CCDC88A: variants seen among roughly 807,000 people sequenced by gnomAD.
CCDC88A encodes the protein girdin.
A neutral mutation model predicts 234.3 loss-of-function variants in CCDC88A; 54 were observed. The observed-to-expected ratio is 0.23, with a 90% CI of 0.19 to 0.29. The LOEUF (loss-of-function observed/expected upper bound fraction) is 0.29, where lower values mean the gene tolerates loss of function less well. CCDC88A is among the 10% of genes least tolerant of loss of function. CCDC88A has a pLI of 1.00. For missense variants in CCDC88A, 1,832 were observed against 2,123.4 expected (o/e 0.86, Z 2.70); for synonymous variants, 753 against 737.8 (o/e 1.02, Z -0.33).
intron 18 of CCDC88A, 133 bp from the exon 19 acceptor site, chr2:55,319,137 A>G (rs1683309471): frequency 2.8e-6 from 2 of 708,276 alleles, no homozygotes; most frequent in Non-Finnish European, 4.1e-6. Flanking sequence ...ACAATCTTAA[A>G]AGAGAAAAAA....
chr2:55,302,555 G>A (rs1262105482), intron 26 of CCDC88A: 1 of 162,302 alleles, frequency 6.2e-6, no homozygotes, highest in Non-Finnish European at 1.4e-5. Flanking sequence ...TGAAAGAGAT[G>A]ATATCTAAAG....
intron 5 of CCDC88A, 55 bp downstream of exon 5, chr2:55,372,397 A>G (rs1672979689): frequency 4.6e-6 from 4 of 864,156 alleles, no homozygotes; most frequent in Non-Finnish European, 7.3e-6. Context: ...ACAGCCTGAT[A>G]AAAATATATA....
In CCDC88A at chr2:55,419,033, C is replaced by T; in HGVS notation, c.47G>A (p.Ser16Asn). 6.2e-7 allele frequency: 1 copy of T among 1,612,970 alleles called. No homozygotes were observed. The highest frequency in any genetic ancestry group is 8.5e-7 in the Non-Finnish European group (1 of 1,178,970). ...CCCACTTACCCAAGTGACCAAAGGG[C>T]TGGTCATGAACTGCTCCAGAAGGGG... Reference protein sequence around the residue: ...FTPLLEQFMTSPLVTWVKTFG... With the variant: ...FTPLLEQFMTNPLVTWVKTFG... The change falls in exon 1 of 33, where the codon AGC becomes AAC. Residue 16 changes from serine to asparagine, a missense_variant. Transcript: ENST00000436346.
intron 4 of CCDC88A, among the ~76,000 whole-genome samples, chr2:55,374,431 G>C (rs1673290284): frequency 6.6e-6 from 1 of 151,974 alleles, no homozygotes; most frequent in African/African-American, 2.4e-5. Context: ...AAACAATTTT[G>C]GCAATGGTAG....
At chr2:55,365,616 T>A (rs771605672) in intron 5 of CCDC88A, among the ~76,000 whole-genome samples, 6 of 152,126 alleles carry the variant, frequency 3.9e-5, no homozygotes, top group Non-Finnish European at 5.9e-5. Flanking sequence ...CACAAATCAA[T>A]GAAAATTTTC....
At chr2:55,294,864 A>C in intron 31 of CCDC88A, 1 of 1,055,424 alleles carries the variant, frequency 9.5e-7, no homozygotes, top group Non-Finnish European at 1.1e-6. Context: ...AAAGTAATTA[A>C]TATTTCATGC....
chr2:55,318,206 T>C (rs1203336513), intron 19 of CCDC88A, among the ~76,000 whole-genome samples: 1 of 152,150 alleles, frequency 6.6e-6, no homozygotes, highest in Non-Finnish European at 1.5e-5. Context: ...TAGAAGTTGA[T>C]AGAAGTGAAA....
At chr2:55,324,147 A>T (rs1683976976) in intron 17 of CCDC88A, 1 of 149,668 alleles carries the variant, frequency 6.7e-6, no homozygotes, top group South Asian at 2.1e-4. Flanking sequence ...AGAGCTAATT[A>T]AAAAATTGTC....
Position 55,296,503 on chromosome 2 carries a change from T to A in CCDC88A, c.4846A>T (p.Ser1616Cys). 6.2e-7 allele frequency: 1 copy of A among 1,614,164 alleles called. No homozygotes were observed. The highest frequency in any genetic ancestry group is 1.1e-5 in the South Asian group (1 of 91,054). The part of the protein sequence containing the change: ...EVKAGAVNNQ[S>C]RPQSHSSGEF... ...CCACTGCTGTGGCTTTGTGGCCTGCTTTGGTTATTAACTGCACCTGCTTTT... is the reference window on the plus strand; with the variant it reads ...CCACTGCTGTGGCTTTGTGGCCTGCATTGGTTATTAACTGCACCTGCTTTT... Residue 1616 changes from serine to cysteine, a missense_variant, in exon 30 of 33, where the codon AGC (serine) becomes TGC (cysteine). By Grantham distance (112) the Ser-to-Cys change is moderately radical. This residue lies in a region of CCDC88A where 422 missense variants were observed against 416.5 expected (regional missense o/e 1.01). Coordinates refer to ENST00000436346, the MANE Select transcript of CCDC88A (RefSeq NM_001365480.1).
At chr2:55,399,652 C>A (rs925297774) in intron 2 of CCDC88A, 3 of 151,756 alleles carry the variant, frequency 2.0e-5, no homozygotes, top group Non-Finnish European at 4.4e-5. Flanking sequence ...GCACGTAAAA[C>A]ATTTTTTAAG....
chr2:55,335,810 T>C lies in CCDC88A; in HGVS notation c.1657-646A>G, dbSNP rs530639021. Among the ~76,000 whole-genome samples, 21 of 152,308 alleles carry C rather than the reference T, an allele frequency of 1.4e-4. No homozygotes were observed. Among genetic ancestry groups the C allele is most frequent in the African/African-American group, 4.8e-4 (20 of 41,576 alleles). ...ATGAAGATTGAAGCTTAGTCTAGAA[T>C]TTTGGTTCTGTATCTCTAAAGAAAC... On this transcript the variant is annotated intron_variant, in intron 14 of 32. Transcript: ENST00000436346. The surrounding 1 kb of genome is among the most constrained non-coding windows in gnomAD (Gnocchi z 4.5).
chr2:55,316,102 G>A lies in CCDC88A; in HGVS notation c.3759C>T (p.Thr1253=), dbSNP rs373602539. Reference sequence around the variant, plus strand: ...CAGTCTCTTTTAAAAGTTGACTATAGGTATGATTCAGCCTATAATTAGAAA... The same window carrying A: ...CAGTCTCTTTTAAAAGTTGACTATAAGTATGATTCAGCCTATAATTAGAAA... ...LCGENDRLNH[T]YSQLLKETEV... The change falls in exon 22 of 33, where the codon ACC becomes ACT. Residue 1253 remains threonine, a synonymous_variant. Coordinates refer to ENST00000436346, the MANE Select transcript of CCDC88A (RefSeq NM_001365480.1). 6.2e-6 allele frequency: 9 copies of A among 1,451,898 alleles called. No individual in the cohort carries two copies. The highest frequency in any genetic ancestry group is 8.4e-6 in the Non-Finnish European group (9 of 1,065,548). The allele number at this position is 1,451,898 out of a possible 1,614,324, so 89.9% of individuals were successfully genotyped here.
At chr2:55,358,280 C>T (rs1670849051) in intron 7 of CCDC88A, among the ~76,000 whole-genome samples, 1 of 152,202 alleles carries the variant, frequency 6.6e-6, no homozygotes, top group Admixed American at 6.5e-5. Context: ...GATTAAATAA[C>T]TTAACCAAAG....
intron 2 of CCDC88A, chr2:55,405,425 G>GAAAGA (rs1349093059): frequency 2.0e-5 from 3 of 152,036 alleles, no homozygotes; most frequent in Admixed American, 6.6e-5. Flanking sequence ...ACAGATTAAT[G>GAAAGA]AAAGAAAAGA....
chr2:55,397,764 G>T lies in CCDC88A; in HGVS notation c.165-8878C>A, dbSNP rs542961263. 9.2e-5 allele frequency among the ~76,000 whole-genome samples: 14 copies of T among 152,080 alleles called. No homozygotes were observed. The South Asian group carries it at 2.9e-3, about 32-fold the overall frequency. Reference sequence around the variant, plus strand: ...CACATGATATCTTGAAATGTATTCAGTTGTCAGGAAATTCTACAGTCGCTG... The same window carrying T: ...CACATGATATCTTGAAATGTATTCATTTGTCAGGAAATTCTACAGTCGCTG... On this transcript the variant is annotated intron_variant, in intron 2 of 32. Coordinates refer to ENST00000436346, the MANE Select transcript of CCDC88A (RefSeq NM_001365480.1).
chr2:55,382,269 T>C (rs1387172049), intron 3 of CCDC88A, among the ~76,000 whole-genome samples: 2 of 152,210 alleles, frequency 1.3e-5, no homozygotes, highest in Non-Finnish European at 2.9e-5. Flanking sequence ...AGTGTCTATT[T>C]TCTGTAGCAA....
rs1311467898 is a variant in CCDC88A at position 55,295,588 on chromosome 2, G to A, written c.5551+9C>T. On this transcript the variant is annotated intron_variant, in intron 31 of 32. Coordinates refer to ENST00000436346, the MANE Select transcript of CCDC88A (RefSeq NM_001365480.1). Reference sequence around the variant, plus strand: ...ATATGAGAGGACCACTGGTGTAAATGGTACTCACTAGATGCTGCAGTGGTG... The same window carrying A: ...ATATGAGAGGACCACTGGTGTAAATAGTACTCACTAGATGCTGCAGTGGTG... 6.2e-7 allele frequency: 1 copy of A among 1,613,906 alleles called. No homozygotes were observed. Among genetic ancestry groups the A allele is most frequent in the Non-Finnish European group, 8.5e-7 (1 of 1,179,950 alleles).
chr2:55,419,532 GACCT>G lies in CCDC88A; in HGVS notation c.-457_-454del. The G allele has an allele frequency of 7.2e-6, 1 of 139,752 alleles. No homozygotes were observed. Among genetic ancestry groups the G allele is most frequent in the Non-Finnish European group, 1.6e-5 (1 of 63,032 alleles). 8.7% of individuals were successfully genotyped at this position (139,752 alleles called of 1,614,324 possible). A position where few individuals can be genotyped will look rare whatever the true frequency, so the allele number is the denominator to read the frequency against. The stretch of plus-strand genomic sequence containing the variant: ...AGGATACCGAGGCGCCACCAGACTC[GACCT>G]CGGCGTTCCGACCTCTACACGTTCC... On this transcript the variant is annotated 5_prime_UTR_variant, in exon 1 of 33. Coordinates refer to ENST00000436346, the MANE Select transcript of CCDC88A (RefSeq NM_001365480.1).
intron 8 of CCDC88A, among the ~76,000 whole-genome samples, chr2:55,352,362 G>A (rs1024410073): frequency 5.3e-5 from 8 of 151,900 alleles, no homozygotes; most frequent in African/African-American, 1.9e-4. Context: ...AGGAGGCAGA[G>A]GTTGCAGTGA....
Sources: allele counts gnomAD v4.1 joint callset (sites outside exome capture counted in the v4.1 genomes callset), GRCh38; gene constraint gnomAD v4.1.1; regional missense constraint gnomAD v4.1.1; non-coding constraint Gnocchi (gnomAD v3.1); transcripts MANE v1.5; gene names NCBI Gene and HGNC (gene_info 2026-07-23, HGNC 2026-07-21).